Variants in ITPRID1 observed in about 807,000 individuals in gnomAD.
ITPRID1 encodes ITPR interacting domain containing 1.
ITPRID1 carries 96 observed loss-of-function variants against 95.4 expected under a neutral mutation model. That is an observed-to-expected ratio of 1.01 (90% CI 0.85 to 1.19). The LOEUF (loss-of-function observed/expected upper bound fraction) is 1.19, where lower values mean the gene tolerates loss of function less well. Ranked by LOEUF, ITPRID1 falls within the 50% of genes most tolerant of loss-of-function variation. The pLI, the probability that ITPRID1 is intolerant of heterozygous loss-of-function variation, is 0.00. For missense variants in ITPRID1, 1,339 were observed against 1,252.9 expected (o/e 1.07, Z -1.04); for synonymous variants, 510 against 453.6 (o/e 1.12, Z -1.58).
chr7:31,609,262 A>G (rs1786760841), intron 10 of ITPRID1, among the ~76,000 whole-genome samples: 1 of 151,600 alleles, frequency 6.6e-6, no homozygotes, highest in Non-Finnish European at 1.5e-5. Context: ...CTATATTCAC[A>G]AGGATTTTTC....
In ITPRID1 at chr7:31,583,129, C is replaced by G; in HGVS notation, c.1171-5C>G. ...TAATGACATTGATGCATTTTGATAT[C>G]TTAGGTCCAAAGCTTTGAAGAAGAG... On this transcript the variant is annotated splice_region_variant and splice_polypyrimidine_tract_variant and intron_variant, in intron 9 of 14. Coordinates refer to ENST00000615280, the MANE Select transcript of ITPRID1 (RefSeq NM_001257967.3). The G allele has an allele frequency of 6.2e-7, 1 of 1,605,970 alleles. No individual in the cohort carries two copies. Among genetic ancestry groups the G allele is most frequent in the Non-Finnish European group, 8.5e-7 (1 of 1,173,790 alleles).
intron 10 of ITPRID1, among the ~76,000 whole-genome samples, chr7:31,625,083 A>C (rs1037242032): frequency 6.6e-6 from 1 of 152,218 alleles, no homozygotes; most frequent in Non-Finnish European, 1.5e-5. Context: ...ATATCATCTC[A>C]CACCAGTTAG....
intron 1 of ITPRID1, among the ~76,000 whole-genome samples, chr7:31,534,711 A>G (rs1783705944): frequency 6.6e-6 from 1 of 151,424 alleles, no homozygotes; most frequent in African/African-American, 2.4e-5. Flanking sequence ...CCAGTTGACC[A>G]TTTCTGTCTT....
At chr7:31,521,932 G>C (rs1170318117) in intron 1 of ITPRID1, among the ~76,000 whole-genome samples, 1 of 135,448 alleles carries the variant, frequency 7.4e-6, no homozygotes, top group African/African-American at 2.8e-5. Context: ...TTTTTTGGTA[G>C]AGACAGGGTC....
intron 10 of ITPRID1, among the ~76,000 whole-genome samples, chr7:31,621,661 T>C (rs1787908974): frequency 6.8e-6 from 1 of 146,318 alleles, no homozygotes; most frequent in Non-Finnish European, 1.5e-5. Flanking sequence ...CATGCCAAAA[T>C]GTAAAGACCA....
At chr7:31,544,999 C>A (rs1279767790) in intron 1 of ITPRID1, among the ~76,000 whole-genome samples, 1 of 152,056 alleles carries the variant, frequency 6.6e-6, no homozygotes, top group Non-Finnish European at 1.5e-5. Flanking sequence ...TGGTCATTGC[C>A]TTCCAGGAGT....
chr7:31,597,683 T>C (rs189154581), intron 10 of ITPRID1, among the ~76,000 whole-genome samples: 1 of 152,252 alleles, frequency 6.6e-6, no homozygotes, highest in East Asian at 1.9e-4. Context: ...GAAAACTCCA[T>C]ATCAAAAAGA....
At chr7:31,538,143 T>C (rs1448114113) in intron 1 of ITPRID1, among the ~76,000 whole-genome samples, 2 of 152,320 alleles carry the variant, frequency 1.3e-5, no homozygotes, top group East Asian at 1.9e-4. Context: ...AGTAAAATTA[T>C]TGGACATAAG....
At chr7:31,599,629 CTT>C (rs547405888) in intron 10 of ITPRID1, among the ~76,000 whole-genome samples, 16,367 of 81,890 alleles carry the variant, frequency 0.2, 2,043 homozygotes, top group East Asian at 0.28. Flanking sequence ...TTCTTTCTTT[CTT>C]TCTTTCTTTC....
chr7:31,519,610 CTCTCTCTCTCTATATA>C (rs1213753710), intron 1 of ITPRID1, among the ~76,000 whole-genome samples: 64 of 51,322 alleles, frequency 1.2e-3, no homozygotes, highest in East Asian at 4.5e-3. Context: ...CTCTCTCTCT[CTCTCTCTCTCTATATA>C]TATATATATA....
chr7:31,606,556 A>C (rs1786634653), intron 10 of ITPRID1, among the ~76,000 whole-genome samples: 1 of 152,216 alleles, frequency 6.6e-6, no homozygotes, highest in Non-Finnish European at 1.5e-5. Flanking sequence ...AACTGCAAAG[A>C]TATGTAGTCC....
chr7:31,603,465 T>C (rs1786485976), intron 10 of ITPRID1, among the ~76,000 whole-genome samples: 1 of 152,088 alleles, frequency 6.6e-6, no homozygotes, highest in Non-Finnish European at 1.5e-5. Context: ...ATCAGTACTT[T>C]TCTTAATTGA....
chr7:31,613,629 A>G (rs1450485727), intron 10 of ITPRID1, among the ~76,000 whole-genome samples: 1 of 152,224 alleles, frequency 6.6e-6, no homozygotes, highest in East Asian at 1.9e-4. Context: ...TCAGAAAGAA[A>G]GACATTCTTG....
At position 31,642,816 on chromosome 7, in the gene ITPRID1, C is replaced by A. The variant is rs1236041911; in HGVS notation, c.1446C>A (p.Ser482Arg). 1 of 1,613,820 alleles carries A rather than the reference C, an allele frequency of 6.2e-7. No individual in the cohort carries two copies. Among genetic ancestry groups the A allele is most frequent in the Non-Finnish European group, 8.5e-7 (1 of 1,179,798 alleles). ...GGCCAGATTCCAAAAGTAGGGCGAG[C>A]ATGTCTTTTTCAAGCCAAGAAGCGA... ...SDGPDSKSRA[S>R]MSFSSQEANA... The change falls in exon 12 of 15, where the codon AGC (serine) becomes AGA (arginine). Residue 482 changes from serine (S) to arginine (R), a missense_variant. Coordinates refer to ENST00000615280, the MANE Select transcript of ITPRID1 (RefSeq NM_001257967.3).
At position 31,592,611 on chromosome 7, in the gene ITPRID1, A is replaced by G. The variant is rs1006973476; in HGVS notation, c.1228+9420A>G. Among the ~76,000 whole-genome samples the G allele has an allele frequency of 2.6e-5, 4 of 152,188 alleles. No individual in the cohort carries two copies. In the East Asian group the frequency reaches 7.7e-4, roughly 29 times the overall value. On this transcript the variant is annotated intron_variant, in intron 10 of 14. Coordinates refer to ENST00000615280, the MANE Select transcript of ITPRID1 (RefSeq NM_001257967.3). ...CTCAGATCATCATAAGGAGCACACA[A>G]CCTAGATTCTTTGCATGTACAGTTC...
chr7:31,561,844 A>G (rs1784632476), intron 5 of ITPRID1, among the ~76,000 whole-genome samples: 1 of 152,098 alleles, frequency 6.6e-6, no homozygotes, highest in Admixed American at 6.6e-5. Context: ...CAACTACACA[A>G]GCAAACATGT....
At chr7:31,593,297 C>CT (rs945627927) in intron 10 of ITPRID1, among the ~76,000 whole-genome samples, 2 of 152,132 alleles carry the variant, frequency 1.3e-5, no homozygotes, top group African/African-American at 4.8e-5. Flanking sequence ...GAGCCAGACT[C>CT]TGACTCAACA....
At chr7:31,645,884 G>A (rs1562654431) in intron 12 of ITPRID1, among the ~76,000 whole-genome samples, 1 of 152,150 alleles carries the variant, frequency 6.6e-6, no homozygotes, top group African/African-American at 2.4e-5. Context: ...TGTCAAGGCT[G>A]TAAAACTCAG....
At chr7:31,615,534 G>T (rs1394025807) in intron 10 of ITPRID1, among the ~76,000 whole-genome samples, 1 of 152,152 alleles carries the variant, frequency 6.6e-6, no homozygotes, top group Non-Finnish European at 1.5e-5. Flanking sequence ...AAGATGTGAA[G>T]ATGTGAGTGA....
Sources: gnomAD v4.1 joint callset for allele counts (sites outside exome capture counted in the v4.1 genomes callset) on GRCh38, gnomAD v4.1.1 for gene constraint, MANE v1.5 for transcripts, NCBI Gene and HGNC (gene_info 2026-07-23, HGNC 2026-07-21) for gene names.